The following PAN3 variants were observed in gnomAD, a reference collection of about 807,000 sequenced individuals.
The protein encoded by PAN3 is poly(A) specific ribonuclease subunit PAN3.
A neutral mutation model predicts 96.2 loss-of-function variants in PAN3; 19 were observed. The ratio of observed to expected loss-of-function variants is 0.20; its 90% CI spans 0.14 to 0.29. The LOEUF is 0.29. PAN3 is among the 10% of genes least tolerant of loss of function. PAN3 has a pLI of 1.00. For missense variants in PAN3, 882 were observed against 1,108.1 expected (o/e 0.80, Z 2.90); for synonymous variants, 433 against 406.6 (o/e 1.06, Z -0.78).
In PAN3 at chr13:28,270,704, A is replaced by C; in HGVS notation, c.1796A>C (p.Gln599Pro). The change falls in exon 13 of 19, where the codon CAG becomes CCG. Residue 599 changes from glutamine (Q) to proline (P), a missense_variant. This residue lies in a region of PAN3 where 364 missense variants were observed against 513.6 expected (regional missense o/e 0.71). Coordinates refer to ENST00000380958, the MANE Select transcript of PAN3 (RefSeq NM_175854.8). ...DAYFTKRKWG[Q>P]HEGPLPRQHA... ...TTTGGATTTCTTTGCTGTATAGGTC[A>C]GCACGAGGGACCATTGCCCAGGCAG... 5 of 1,613,768 alleles carry C rather than the reference A, an allele frequency of 3.1e-6. No individual in the cohort carries two copies. Among genetic ancestry groups the C allele is most frequent in the Non-Finnish European group, 4.2e-6 (5 of 1,179,800 alleles).
intron 1 of PAN3, among the ~76,000 whole-genome samples, chr13:28,173,461 T>C (rs1010064341): frequency 3.9e-5 from 6 of 152,226 alleles, no homozygotes; most frequent in African/African-American, 1.4e-4. Flanking sequence ...ATTTTCGTTA[T>C]GGATGTTTTG....
chr13:28,277,466 C>T (rs895171130), intron 15 of PAN3, 90 bp downstream of exon 15: 24 of 1,345,900 alleles, frequency 1.8e-5, no homozygotes, highest in Non-Finnish European at 2.4e-5. Flanking sequence ...TTGGTTCCCA[C>T]TATTTAAAAT....
chr13:28,219,501 T>G (rs1434204837), intron 5 of PAN3, among the ~76,000 whole-genome samples: 1 of 152,186 alleles, frequency 6.6e-6, no homozygotes, highest in Non-Finnish European at 1.5e-5. Context: ...TTATATAGAC[T>G]TTTTATGAAT....
chr13:28,227,432 C>T (rs549317942), intron 6 of PAN3, among the ~76,000 whole-genome samples: 13 of 152,182 alleles, frequency 8.5e-5, no homozygotes, highest in South Asian at 2.1e-4. Context: ...CCTTTAACTA[C>T]GAGTTACCGA....
At chr13:28,144,853 G>A (rs1298790900) in intron 1 of PAN3, among the ~76,000 whole-genome samples, 2 of 150,192 alleles carry the variant, frequency 1.3e-5, no homozygotes, top group Non-Finnish European at 2.9e-5. Context: ...CCAAGTAGCT[G>A]GGATTACAGG....
intron 15 of PAN3, among the ~76,000 whole-genome samples, chr13:28,278,421 A>G (rs1887223606): frequency 6.6e-6 from 1 of 152,212 alleles, no homozygotes; most frequent in South Asian, 2.1e-4. Context: ...AAATAATTTC[A>G]GGTTATAATC....
intron 1 of PAN3, among the ~76,000 whole-genome samples, chr13:28,170,486 TC>T (rs759974932): frequency 2.0e-5 from 3 of 152,224 alleles, no homozygotes; most frequent in Non-Finnish European, 2.9e-5. Flanking sequence ...CAATAATTGT[TC>T]TATTGGCTTG....
chr13:28,285,746 G>GT (rs915438414), intron 17 of PAN3, among the ~76,000 whole-genome samples: 3 of 151,620 alleles, frequency 2.0e-5, no homozygotes, highest in Admixed American at 6.6e-5. Context: ...TAAAATTAAA[G>GT]TTTTTTTTCT....
At position 28,177,839 on chromosome 13, in the gene PAN3, G is replaced by A. The variant is rs959457657; in HGVS notation, c.620-26G>A. The stretch of plus-strand genomic sequence containing the variant: ...TGCGGGTTACCCAAGTTTTATGTGT[G>A]GAAACTTACGTAACTTACCTTTCAG... On this transcript the variant is annotated intron_variant, in intron 3 of 18. Transcript: ENST00000380958. The A allele has an allele frequency of 3.8e-6, 6 of 1,593,076 alleles. No individual in the cohort carries two copies. In the Middle Eastern group the frequency reaches 8.3e-4, roughly 220 times the overall value.
chr13:28,259,729 C>T (rs1428044433), intron 7 of PAN3, among the ~76,000 whole-genome samples: 5 of 151,912 alleles, frequency 3.3e-5, no homozygotes, highest in Non-Finnish European at 7.4e-5. Flanking sequence ...ACCTCTGCCT[C>T]CCTGGTTCAA....
At chr13:28,156,036 C>T (rs920375164) in intron 1 of PAN3, among the ~76,000 whole-genome samples, 1 of 152,066 alleles carries the variant, frequency 6.6e-6, no homozygotes, top group Non-Finnish European at 1.5e-5. Flanking sequence ...ACCCCCAAAG[C>T]TGGCAGAAGA....
intron 5 of PAN3, among the ~76,000 whole-genome samples, chr13:28,208,124 A>C (rs1593474976): frequency 6.6e-6 from 1 of 152,288 alleles, no homozygotes; most frequent in South Asian, 2.1e-4. Context: ...ATATTTGAAA[A>C]TCTTAATATA....
At chr13:28,256,245 A>G (rs1458700263) in intron 6 of PAN3, 47 bp from the exon 7 acceptor site, 1 of 1,568,162 alleles carries the variant, frequency 6.4e-7, no homozygotes, top group Admixed American at 1.8e-5. Flanking sequence ...CTTGTTCTCT[A>G]AAACCAATTA....
rs111823825 is a variant in PAN3, at chr13:28,182,921, A to G, written c.690+4986A>G. Among the ~76,000 whole-genome samples the G allele has an allele frequency of 9.8e-3, 1,485 of 152,248 alleles. 18 individuals are homozygous for G. Among genetic ancestry groups the G allele is most frequent in the African/African-American group, 0.034 (1,419 of 41,546 alleles). On this transcript the variant is annotated intron_variant, in intron 4 of 18. Coordinates refer to ENST00000380958, the MANE Select transcript of PAN3 (RefSeq NM_175854.8). ...TGACATTTAAAAGTTTTCTTATAGC[A>G]TTTTTATTCTAAAGTCTTCCTTTGA...
intron 6 of PAN3, among the ~76,000 whole-genome samples, chr13:28,242,615 G>A (rs193172774): frequency 6.6e-6 from 1 of 152,204 alleles, no homozygotes; most frequent in South Asian, 2.1e-4. Flanking sequence ...TTACTGTGAG[G>A]TTGAGGTTTA....
chr13:28,176,303 A>C (rs1437327962), intron 2 of PAN3, among the ~76,000 whole-genome samples, 190 bp from the exon 3 acceptor site: 2 of 152,102 alleles, frequency 1.3e-5, no homozygotes, highest in Non-Finnish European at 2.9e-5. Flanking sequence ...TAGTGAGTAA[A>C]ATTTTCATTT....
chr13:28,224,052 T>C (rs1489798301), intron 6 of PAN3, among the ~76,000 whole-genome samples: 2 of 151,306 alleles, frequency 1.3e-5, no homozygotes, highest in Non-Finnish European at 2.9e-5. Flanking sequence ...TTTGTATTTT[T>C]AGTAGAGACA....
chr13:28,253,925 A>T (rs1245789435), intron 6 of PAN3, among the ~76,000 whole-genome samples: 1 of 152,184 alleles, frequency 6.6e-6, no homozygotes, highest in African/African-American at 2.4e-5. Context: ...CTATAGGTGA[A>T]TTTCTATCTT....
intron 1 of PAN3, among the ~76,000 whole-genome samples, chr13:28,148,291 A>G (rs1416008072): frequency 1.3e-5 from 2 of 151,748 alleles, no homozygotes; most frequent in Admixed American, 1.3e-4. Flanking sequence ...TTGTATATAT[A>G]TATTTTTTAG....
Sources: allele counts gnomAD v4.1 joint callset (sites outside exome capture counted in the v4.1 genomes callset), GRCh38; gene constraint gnomAD v4.1.1; regional missense constraint gnomAD v4.1.1; transcripts MANE v1.5; gene names NCBI Gene and HGNC (gene_info 2026-07-23, HGNC 2026-07-21).